The following ARMC9 variants were observed in gnomAD, a reference collection of about 807,000 sequenced individuals.
The protein encoded by ARMC9 is lisH domain-containing protein ARMC9.
ARMC9 carries 94 observed loss-of-function variants against 107.0 expected under a neutral mutation model. That is an observed-to-expected ratio of 0.88 (90% CI 0.74 to 1.04). The LOEUF (loss-of-function observed/expected upper bound fraction) is 1.04, where lower values mean the gene tolerates loss of function less well. Ranked by LOEUF, ARMC9 falls within the 50% of genes least tolerant of loss-of-function variation. The pLI is 0.00. For synonymous variants in ARMC9, 380 were observed against 396.9 expected, an observed-to-expected ratio of 0.96 and a Z score of 0.51; for missense variants, 942 against 1,030.1, an observed-to-expected ratio of 0.91 and a Z score of 1.17.
At chr2:231,336,854 G>A (rs569984953) in intron 20 of ARMC9, among the ~76,000 whole-genome samples, 1 of 152,330 alleles carries the variant, frequency 6.6e-6, no homozygotes, top group South Asian at 2.1e-4. Context: ...AACTCAGGGT[G>A]TTCATGGAGC....
Position 231,373,156 on chromosome 2 carries a change from T to G in ARMC9, c.*1621T>G, listed in dbSNP as rs1474151137. 1 of 152,194 alleles carries G rather than the reference T, an allele frequency of 6.6e-6. No individual in the cohort carries two copies. The highest frequency in any genetic ancestry group is 2.4e-5 in the African/African-American group (1 of 41,438). The allele number at this position is 152,194 out of a possible 1,614,324, so 9.4% of individuals were successfully genotyped here. ...GTCAGCCACCAGGCCCTCTCTGAAC[T>G]CCTCACTTGACCCGGAGGCATTGGG... On this transcript the variant is annotated 3_prime_UTR_variant, in exon 25 of 25. Coordinates refer to ENST00000611582, the MANE Select transcript of ARMC9 (RefSeq NM_001352754.2). The surrounding 1 kb of genome is among the most constrained non-coding windows in gnomAD (Gnocchi z 4.4).
intron 9 of ARMC9, among the ~76,000 whole-genome samples, chr2:231,248,535 C>T (rs778635015): frequency 2.2e-4 from 34 of 152,204 alleles, no homozygotes; most frequent in Admixed American, 1.5e-3. Context: ...CAGGGCCGGA[C>T]GTGGTGGCTT....
intron 19 of ARMC9, among the ~76,000 whole-genome samples, chr2:231,302,637 T>G (rs2041824899): frequency 6.6e-6 from 1 of 152,164 alleles, no homozygotes; most frequent in Admixed American, 6.5e-5. Flanking sequence ...TGCTCAATAT[T>G]ACTTTAAAAC....
intron 22 of ARMC9, among the ~76,000 whole-genome samples, chr2:231,359,082 G>GTTCTT (rs767321498): frequency 8.5e-6 from 1 of 117,826 alleles, no homozygotes; most frequent in African/African-American, 3.5e-5. Context: ...GGGGTCTCCT[G>GTTCTT]TTTTTTTTTT....
chr2:231,324,845 C>G (rs1382173119), intron 19 of ARMC9, among the ~76,000 whole-genome samples: 1 of 151,958 alleles, frequency 6.6e-6, no homozygotes, highest in Non-Finnish European at 1.5e-5. Flanking sequence ...GAGGCTGAGG[C>G]AGAAGATCGC....
intron 1 of ARMC9, among the ~76,000 whole-genome samples, chr2:231,200,185 T>G (rs1574809676): frequency 6.6e-6 from 1 of 152,234 alleles, no homozygotes; most frequent in East Asian, 1.9e-4. Context: ...GAGAGTAATA[T>G]GCGCAAAGGC....
Position 231,327,771 on chromosome 2 carries a change from C to CT in ARMC9, c.1774-4015dup, listed in dbSNP as rs892878701. ...TGCCGAAATGTAGTTGCATGTTTAG[C>CT]TTTTTTTGTTTTTGTTTTTTTGGTT... On this transcript the variant is annotated intron_variant, in intron 19 of 24. Transcript: ENST00000611582. Among the ~76,000 whole-genome samples, 6 of 152,064 alleles carry CT rather than the reference C, an allele frequency of 3.9e-5. No individual in the cohort carries two copies. In the East Asian group the frequency reaches 1.2e-3, roughly 29 times the overall value.
At chr2:231,259,622 A>G (rs1015998687) in intron 11 of ARMC9, among the ~76,000 whole-genome samples, 2 of 152,186 alleles carry the variant, frequency 1.3e-5, no homozygotes, top group African/African-American at 4.8e-5. Context: ...TCCACTCTCA[A>G]CAATGACTGA....
intron 7 of ARMC9, among the ~76,000 whole-genome samples, chr2:231,233,733 G>A (rs372073112): frequency 1.1e-4 from 17 of 151,636 alleles, no homozygotes; most frequent in African/African-American, 3.6e-4. Flanking sequence ...CCGAGATCAC[G>A]CCATTGCACT....
intron 22 of ARMC9, among the ~76,000 whole-genome samples, chr2:231,357,125 T>C (rs2045374374): frequency 6.6e-6 from 1 of 152,132 alleles, no homozygotes; most frequent in African/African-American, 2.4e-5. Context: ...GCAATGTTGA[T>C]GTTATTGTTG....
At chr2:231,352,303 A>ATT (rs527917929) in intron 21 of ARMC9, among the ~76,000 whole-genome samples, 2,370 of 145,096 alleles carry the variant, frequency 0.016, 48 homozygotes, top group African/African-American at 0.043. Context: ...CACTGCTAGG[A>ATT]TTTTTTTTTT....
Position 231,233,605 on chromosome 2 carries a change from C to T in ARMC9, c.623-1619C>T, listed in dbSNP as rs141345328. ...CAGCCTGACCAACATGAAGAAACCC[C>T]GTCTGTACTAAAAATACAAAATTAG... On this transcript the variant is annotated intron_variant, in intron 7 of 24. Transcript: ENST00000611582. Among the ~76,000 whole-genome samples, 1,448 of 152,072 alleles carry T rather than the reference C, an allele frequency of 9.5e-3. 18 individuals are homozygous for T. Among genetic ancestry groups the T allele is most frequent in the African/African-American group, 0.033 (1,354 of 41,472 alleles).
At chr2:231,212,076 G>T (rs1291999052) in intron 3 of ARMC9, among the ~76,000 whole-genome samples, 1 of 152,162 alleles carries the variant, frequency 6.6e-6, no homozygotes, top group Non-Finnish European at 1.5e-5. Context: ...AATTGTTAGT[G>T]GAACTCAAAA....
At chr2:231,340,334 A>C (rs188468630) in intron 20 of ARMC9, among the ~76,000 whole-genome samples, 3 of 152,280 alleles carry the variant, frequency 2.0e-5, no homozygotes, top group African/African-American at 7.2e-5. Flanking sequence ...GGAAGAAAAG[A>C]GGAAGATTAG....
chr2:231,291,688 G>C (rs2041007369), intron 18 of ARMC9, among the ~76,000 whole-genome samples: 2 of 151,652 alleles, frequency 1.3e-5, no homozygotes, highest in African/African-American at 4.8e-5. Context: ...TGGTGGCTTG[G>C]CCTGTAGTCC....
rs769759549 is a variant in ARMC9 at position 231,272,998 on chromosome 2, G to A, written c.1254G>A (p.Leu418=). The change falls in exon 14 of 25, where the codon CTG becomes CTA. Residue 418 remains leucine (L), a synonymous_variant. Coordinates refer to ENST00000611582, the MANE Select transcript of ARMC9 (RefSeq NM_001352754.2). ...AGAACACAAAGGTGCTGCAGATGCT[G>A]GAGGGAAGGCTGAAGGAGGAGGACA... The part of the protein sequence containing the change: ...LAQNTKVLQM[L]EGRLKEEDKD... 17 of 1,613,934 alleles carry A rather than the reference G, an allele frequency of 1.1e-5. No individual in the cohort carries two copies. In the Admixed American group the frequency reaches 2.7e-4, roughly 25 times the overall value.
At chr2:231,269,291 T>G (rs1336891049) in intron 12 of ARMC9, among the ~76,000 whole-genome samples, 1 of 152,158 alleles carries the variant, frequency 6.6e-6, no homozygotes, top group African/African-American at 2.4e-5. Context: ...CTCTGTTTTC[T>G]GTGTTCTCTC....
Position 231,360,856 on chromosome 2 carries a change from AG to A in ARMC9, c.2236del (p.Asp746ThrfsTer6). 6.5e-7 allele frequency: 1 copy of A among 1,535,078 alleles called. No individual in the cohort carries two copies. The highest frequency in any genetic ancestry group is 8.7e-7 in the Non-Finnish European group (1 of 1,146,374). ...CCCCGCCAGCCAAGGGAGGCGCCCC[AG>A]GACCCAGGCAATGGAGTGACCACCA... ...GTPRQPREAP[Q>X]DPGNGVTTRE... On this transcript the variant is annotated frameshift_variant, in exon 23 of 25. Coordinates refer to ENST00000611582, the MANE Select transcript of ARMC9 (RefSeq NM_001352754.2). LOFTEE classifies it high-confidence loss of function. This position sits in a 1 kb window ranked among gnomAD's most constrained non-coding sequence, Gnocchi z 4.7.
In ARMC9 at chr2:231,310,504, G is replaced by A. The variant is rs185278363; in HGVS notation, c.1773+14251G>A. ...CCAGCACTTTGGGAGGCCGAGGTGG[G>A]CGGATCACCTGAGGTCGGGAGTTCA... is the stretch of plus-strand genomic sequence containing the variant. On this transcript the variant is annotated intron_variant, in intron 19 of 24. Transcript: ENST00000611582. 2.2e-4 allele frequency among the ~76,000 whole-genome samples: 33 copies of A among 151,296 alleles called. No individual in the cohort carries two copies. The East Asian group carries it at 6.3e-3, about 29-fold the overall frequency.
Sources: gnomAD v4.1 joint callset for allele counts (sites outside exome capture counted in the v4.1 genomes callset) on GRCh38, gnomAD v4.1.1 for gene constraint, Gnocchi (gnomAD v3.1) non-coding constraint, MANE v1.5 for transcripts, NCBI Gene and HGNC (gene_info 2026-07-23, HGNC 2026-07-21) for gene names.